The following SLC26A5 variants were observed in gnomAD, a reference collection of about 807,000 sequenced individuals.
The protein encoded by SLC26A5 is solute carrier family 26 member 5.
SLC26A5 carries 51 observed loss-of-function variants against 81.0 expected under a neutral mutation model. The ratio of observed to expected loss-of-function variants is 0.63; its 90% CI spans 0.50 to 0.80. The LOEUF (loss-of-function observed/expected upper bound fraction) is 0.80. SLC26A5 is among the 30% of genes least tolerant of loss of function. SLC26A5 has a pLI of 0.00. For missense variants in SLC26A5, 771 were observed against 905.8 expected, an observed-to-expected ratio of 0.85 and a Z score of 1.91; for synonymous variants, 325 against 332.8, an observed-to-expected ratio of 0.98 and a Z score of 0.25.
chr7:103,371,621 G>A (rs1821045238), downstream of SLC26A5, among the ~76,000 whole-genome samples: 1 of 151,860 alleles, frequency 6.6e-6, no homozygotes, highest in Admixed American at 6.6e-5. Context: ...ACTGCGCCTG[G>A]CCTGTACACT....
chr7:103,383,923 C>T (rs1379042728), intron 14 of SLC26A5, among the ~76,000 whole-genome samples: 1 of 151,802 alleles, frequency 6.6e-6, no homozygotes. Flanking sequence ...GGGAGGAACA[C>T]TTGAGCCCAG....
intron 19 of SLC26A5, among the ~76,000 whole-genome samples, chr7:103,361,022 G>A (rs1820358589): frequency 6.6e-6 from 1 of 151,952 alleles, no homozygotes; most frequent in South Asian, 2.1e-4. Context: ...GCTGAGGCAG[G>A]AGAACTGCTT....
downstream of SLC26A5, among the ~76,000 whole-genome samples, chr7:103,371,483 C>A (rs1821035595): frequency 6.6e-6 from 1 of 151,174 alleles, no homozygotes; most frequent in South Asian, 2.1e-4. Context: ...CGCCACTACG[C>A]CCGGCTAATT....
At chr7:103,360,168 A>C (rs1820298831) in intron 19 of SLC26A5, among the ~76,000 whole-genome samples, 2 of 151,850 alleles carry the variant, frequency 1.3e-5, no homozygotes, top group South Asian at 4.1e-4. Flanking sequence ...CCCCTTATGT[A>C]TGAGCCATAA....
rs1820788829 is a variant in SLC26A5 at position 103,367,747 on chromosome 7, C to T, written c.2041+9061G>A. ...CACATATTTAAGATTCACGCTCGTT[C>T]AATGAGTGTTGAAAGAGATATCAGA... is the stretch of plus-strand genomic sequence containing the variant. On this transcript the variant is annotated intron_variant, in intron 19 of 19. Transcript: ENST00000339444. This position sits in a 1 kb window ranked among gnomAD's most constrained non-coding sequence, Gnocchi z 6.1. 6.2e-7 allele frequency: 1 copy of T among 1,613,918 alleles called. No homozygotes were observed.
intron 8 of SLC26A5, among the ~76,000 whole-genome samples, chr7:103,404,461 GTGAAATTCTGGTT>G (rs1241551068): frequency 6.6e-6 from 1 of 152,156 alleles, no homozygotes; most frequent in Admixed American, 6.5e-5. Flanking sequence ...TTGGCTGGAT[GTGAAATTCTGGTT>G]TGAAAATTTT....
intron 9 of SLC26A5, among the ~76,000 whole-genome samples, chr7:103,393,580 T>C (rs977038570): frequency 1.2e-4 from 18 of 151,694 alleles, no homozygotes; most frequent in Admixed American, 4.6e-4. Context: ...TGTGTGTGTG[T>C]GTGTGTGTGT....
At chr7:103,412,931 A>G (rs1824619001) in intron 5 of SLC26A5, 71 bp downstream of exon 5, 1 of 1,106,038 alleles carries the variant, frequency 9.0e-7, no homozygotes, top group South Asian at 1.3e-5. Flanking sequence ...TGACCATGCT[A>G]TTTCTTTGGC....
At chr7:103,412,770 C>T (rs1824605092) in intron 5 of SLC26A5, among the ~76,000 whole-genome samples, 1 of 151,956 alleles carries the variant, frequency 6.6e-6, no homozygotes, top group Non-Finnish European at 1.5e-5. Flanking sequence ...TGGCTGGTCT[C>T]GAACTACTGA....
At position 103,389,413 on chromosome 7, in the gene SLC26A5, C is replaced by T. The variant is rs144049745; in HGVS notation, c.1323G>A (p.Ser441=). ...LFESLPQAVL[S]AIVIVNLKGM... is the part of the protein sequence containing the mutation. ...CCTTCAGGTTGACAATCACAATGGC[C>T]GACAGCACAGCCTGAAACAGAGCAC... Residue 441 remains serine, a synonymous_variant, in exon 13 of 20, where the codon TCG becomes TCA. Coordinates refer to ENST00000306312, the MANE Select transcript of SLC26A5 (RefSeq NM_198999.3). 1.2e-5 allele frequency: 19 copies of T among 1,613,534 alleles called. No homozygotes were observed. Among genetic ancestry groups the T allele is most frequent in the African/African-American group, 2.7e-5 (2 of 74,876 alleles).
intron 6 of SLC26A5, 139 bp downstream of exon 6, chr7:103,411,281 G>T: frequency 2.3e-6 from 2 of 854,388 alleles, no homozygotes; most frequent in Non-Finnish European, 3.7e-6. Context: ...GCATGCAGTT[G>T]GTCTGCAGTT....
chr7:103,428,677 C>T (rs529194968), intron 2 of SLC26A5, among the ~76,000 whole-genome samples: 68 of 151,998 alleles, frequency 4.5e-4, no homozygotes, highest in African/African-American at 1.6e-3. Flanking sequence ...ATTCTCCTGC[C>T]TCAGTCTCCT....
At chr7:103,412,212 A>G (rs1327752388) in intron 5 of SLC26A5, among the ~76,000 whole-genome samples, 1 of 152,208 alleles carries the variant, frequency 6.6e-6, no homozygotes, top group African/African-American at 2.4e-5. Context: ...CAAACAGTAG[A>G]TATCTGGAAA....
chr7:103,389,464 C>T (rs1228957450), intron 12 of SLC26A5, 40 bp from the exon 13 acceptor site: 2 of 1,464,726 alleles, frequency 1.4e-6, no homozygotes, highest in Non-Finnish European at 1.9e-6. Context: ...CCTCTTGTGT[C>T]CACAGAGTGT....
chr7:103,419,787 C>A (rs964008516), intron 4 of SLC26A5, among the ~76,000 whole-genome samples: 22 of 152,142 alleles, frequency 1.4e-4, no homozygotes, highest in Admixed American at 1.2e-3. Flanking sequence ...ATCCACCCAC[C>A]TCAGCCTTCC....
intron 2 of SLC26A5, among the ~76,000 whole-genome samples, chr7:103,425,813 C>T (rs946550740): frequency 6.6e-6 from 1 of 152,184 alleles, no homozygotes; most frequent in African/African-American, 2.4e-5. Context: ...ACATTGGAGT[C>T]ACCTGGGCAG....
At position 103,420,811 on chromosome 7, in the gene SLC26A5, T is replaced by C. The variant is rs1265442035; in HGVS notation, c.219A>G (p.Ala73=). Residue 73 remains alanine (A), a synonymous_variant, in exon 4 of 20, where the codon GCA becomes GCG. Transcript: ENST00000306312. ...MFLPITKWLP[A]YKFKEYVLGD... is the part of the protein sequence containing the mutation. The stretch of plus-strand genomic sequence containing the variant: ...CCAACACATATTCCTTGAATTTGTA[T>C]GCTGGCAGCCATTTAGTTATGGGTA... 5.6e-6 allele frequency: 9 copies of C among 1,614,028 alleles called. No individual in the cohort carries two copies. The highest frequency in any genetic ancestry group is 7.6e-6 in the Non-Finnish European group (9 of 1,179,974).
intron 14 of SLC26A5, among the ~76,000 whole-genome samples, chr7:103,385,960 C>T (rs1438199115): frequency 6.6e-6 from 1 of 151,326 alleles, no homozygotes; most frequent in African/African-American, 2.4e-5. Context: ...TAGGCTCTCA[C>T]TCTTTCACCC....
chr7:103,419,355 C>T (rs115418178), intron 4 of SLC26A5, among the ~76,000 whole-genome samples: 2,636 of 152,238 alleles, frequency 0.017, 82 homozygotes, highest in African/African-American at 0.06. Context: ...CTGCCCACCT[C>T]GCCTGCCACT....
Sources: allele counts gnomAD v4.1 joint callset (sites outside exome capture counted in the v4.1 genomes callset), GRCh38; gene constraint gnomAD v4.1.1; non-coding constraint Gnocchi (gnomAD v3.1); transcripts MANE v1.5; gene names NCBI Gene and HGNC (gene_info 2026-07-23, HGNC 2026-07-21).